The following DGKB variants were observed in gnomAD, a reference collection of about 807,000 sequenced individuals.
The protein encoded by DGKB is diacylglycerol kinase beta.
Under a neutral mutation model 114.3 loss-of-function variants are expected in DGKB, and 67 were observed. The ratio of observed to expected loss-of-function variants is 0.59; its 90% CI spans 0.48 to 0.72. The LOEUF is 0.72. Ranked by LOEUF, DGKB falls within the 30% of genes least tolerant of loss-of-function variation. The probability of loss-of-function intolerance (pLI) is 0.00; values close to 1 mark genes in which losing one functional copy is unlikely to be tolerated. For synonymous variants in DGKB, 398 were observed against 323.1 expected (o/e 1.23, Z -2.49); for missense variants, 907 against 975.2 (o/e 0.93, Z 0.93).
chr7:14,616,659 A>G (rs1271227469), intron 15 of DGKB, among the ~76,000 whole-genome samples: 1 of 151,750 alleles, frequency 6.6e-6, no homozygotes, highest in Non-Finnish European at 1.5e-5. Context: ...GTAGAACAGC[A>G]TATAGAACAG....
chr7:14,289,962 CT>C (rs1308359762), intron 23 of DGKB, among the ~76,000 whole-genome samples: 12 of 152,180 alleles, frequency 7.9e-5, no homozygotes, highest in African/African-American at 2.9e-4. Context: ...GAACTACAAA[CT>C]CATTACTTGA....
At chr7:14,672,600 C>T (rs1196667946) in intron 13 of DGKB, among the ~76,000 whole-genome samples, 1 of 151,898 alleles carries the variant, frequency 6.6e-6, no homozygotes, top group Non-Finnish European at 1.5e-5. Flanking sequence ...ATAAGAATAA[C>T]TTCATTATTC....
chr7:14,644,772 G>A (rs1812578624), intron 13 of DGKB, among the ~76,000 whole-genome samples: 1 of 152,136 alleles, frequency 6.6e-6, no homozygotes, highest in Admixed American at 6.6e-5. Flanking sequence ...GGAAAGACAT[G>A]GAAACCTATT....
intron 20 of DGKB, among the ~76,000 whole-genome samples, chr7:14,512,444 G>C (rs1436152484): frequency 2.0e-5 from 3 of 152,134 alleles, no homozygotes; most frequent in Non-Finnish European, 4.4e-5. Context: ...CATGTTAAGA[G>C]ATAGCCTTAC....
At chr7:14,698,960 G>C (rs1473779720) in intron 7 of DGKB, among the ~76,000 whole-genome samples, 1 of 151,964 alleles carries the variant, frequency 6.6e-6, no homozygotes, top group African/African-American at 2.4e-5. Context: ...AAGTATAAAA[G>C]AATAAAGCTT....
At chr7:14,179,574 A>T (rs1010263430) in intron 23 of DGKB, among the ~76,000 whole-genome samples, 1 of 151,986 alleles carries the variant, frequency 6.6e-6, no homozygotes, top group East Asian at 1.9e-4. Context: ...CTCACTAATG[A>T]CTCCATTTTA....
At chr7:14,589,353 A>C (rs151093474) in intron 17 of DGKB, among the ~76,000 whole-genome samples, 1 of 152,002 alleles carries the variant, frequency 6.6e-6, no homozygotes. Flanking sequence ...TATTATTAGT[A>C]ATCTCTAGTC....
chr7:14,969,620 G>A (rs908905614), intron 1 of DGKB, among the ~76,000 whole-genome samples: 2 of 152,060 alleles, frequency 1.3e-5, no homozygotes, highest in African/African-American at 2.4e-5. Flanking sequence ...CTAAGCATGC[G>A]AGGGATCTAC....
intron 14 of DGKB, among the ~76,000 whole-genome samples, chr7:14,626,732 A>G (rs970925867): frequency 3.3e-5 from 5 of 152,184 alleles, no homozygotes; most frequent in African/African-American, 1.2e-4. Flanking sequence ...TTGCAGCAAA[A>G]CTATTTGCTG....
intron 5 of DGKB, among the ~76,000 whole-genome samples, chr7:14,730,514 T>C (rs1231167765): frequency 6.6e-6 from 1 of 152,178 alleles, no homozygotes; most frequent in Admixed American, 6.5e-5. Context: ...AAACATTATG[T>C]AAGAAAACTC....
chr7:14,204,833 G>A (rs1432944537), intron 23 of DGKB, among the ~76,000 whole-genome samples: 2 of 151,964 alleles, frequency 1.3e-5, no homozygotes, highest in African/African-American at 2.4e-5. Context: ...AAAAAGAAAT[G>A]TATTACTATA....
intron 23 of DGKB, among the ~76,000 whole-genome samples, chr7:14,335,923 C>T (rs1810566687): frequency 6.6e-6 from 1 of 152,006 alleles, no homozygotes; most frequent in Non-Finnish European, 1.5e-5. Context: ...AGGTGCTATT[C>T]CCACTTCCTC....
intron 2 of DGKB, among the ~76,000 whole-genome samples, chr7:14,836,798 G>C (rs185159852): frequency 1.3e-5 from 2 of 152,200 alleles, no homozygotes; most frequent in Non-Finnish European, 2.9e-5. Flanking sequence ...AGCTGCCTTC[G>C]GCATTTGTAG....
chr7:14,330,928 A>G (rs1809615314), intron 23 of DGKB, among the ~76,000 whole-genome samples: 1 of 151,952 alleles, frequency 6.6e-6, no homozygotes, highest in Non-Finnish European at 1.5e-5. Flanking sequence ...TTATTTTTAC[A>G]TTTTAGAAAT....
chr7:14,582,183 C>T (rs564394248), intron 18 of DGKB, among the ~76,000 whole-genome samples: 2 of 152,164 alleles, frequency 1.3e-5, no homozygotes, highest in Non-Finnish European at 2.9e-5. Flanking sequence ...TTGATCAATG[C>T]GGTAACTGAA....
intron 23 of DGKB, among the ~76,000 whole-genome samples, chr7:14,267,724 C>T (rs549070982): frequency 1.8e-3 from 280 of 152,114 alleles, no homozygotes; most frequent in African/African-American, 6.5e-3. Flanking sequence ...CTCCTGACCT[C>T]GTGATCCACC....
chr7:14,653,925 A>G (rs556280664), intron 13 of DGKB, among the ~76,000 whole-genome samples: 1 of 152,214 alleles, frequency 6.6e-6, no homozygotes, highest in South Asian at 2.1e-4. Flanking sequence ...CACAACTAAC[A>G]GTACACTGAA....
chr7:14,438,402 G>T (rs1829594149), intron 21 of DGKB, among the ~76,000 whole-genome samples: 1 of 151,992 alleles, frequency 6.6e-6, no homozygotes, highest in Non-Finnish European at 1.5e-5. Flanking sequence ...TGTTAATTTT[G>T]TACTCATGTT....
chr7:14,491,040 A>G (rs1349551701), intron 20 of DGKB, among the ~76,000 whole-genome samples: 22 of 151,934 alleles, frequency 1.4e-4, no homozygotes, highest in Admixed American at 1.4e-3. Context: ...TCTAGAGATT[A>G]TGCAGCTCCC....
Sources: allele counts gnomAD v4.1 joint callset (sites outside exome capture counted in the v4.1 genomes callset), GRCh38; gene constraint gnomAD v4.1.1; transcripts MANE v1.5; gene names NCBI Gene and HGNC (gene_info 2026-07-23, HGNC 2026-07-21).